The following ANKRD11 variants were observed in gnomAD, a reference collection of about 807,000 sequenced individuals.
ANKRD11 encodes the protein ankyrin repeat domain 11, also known as ankyrin repeat domain-containing protein 11.
A neutral mutation model predicts 195.7 loss-of-function variants in ANKRD11; 17 were observed. The ratio of observed to expected loss-of-function variants is 0.09; its 90% confidence interval spans 0.06 to 0.13. The LOEUF (loss-of-function observed/expected upper bound fraction) is 0.13, where lower values mean the gene tolerates loss of function less well. Among genes scored for constraint, ANKRD11 ranks in the 10% least tolerant of loss-of-function variants. The pLI is 1.00. For synonymous variants in ANKRD11, 1,953 were observed against 1,528.1 expected, an observed-to-expected ratio of 1.28 and a Z score of -6.49; for missense variants, 3,735 against 3,566.1, an observed-to-expected ratio of 1.05 and a Z score of -1.21.
At chr16:89,395,327 G>A (rs1017194376) in intron 2 of ANKRD11, among the ~76,000 whole-genome samples, 5 of 152,226 alleles carry the variant, frequency 3.3e-5, no homozygotes, top group Admixed American at 1.3e-4. Context: ...GAGCAGCGTC[G>A]GTGTGGAAGG....
chr16:89,305,024 G>T (rs2036095692), intron 4 of ANKRD11, 182 bp downstream of exon 4: 3 of 905,674 alleles, frequency 3.3e-6, no homozygotes, highest in African/African-American at 3.3e-5. Context: ...AGCCTCGGGT[G>T]CAAAGGAGGT....
At chr16:89,353,907 G>A (rs1432117463) in intron 2 of ANKRD11, among the ~76,000 whole-genome samples, 1 of 152,230 alleles carries the variant, frequency 6.6e-6, no homozygotes, top group Admixed American at 6.5e-5. Flanking sequence ...TGCAGGGAGC[G>A]TGGGGCATGT....
intron 6 of ANKRD11, 71 bp downstream of exon 6, chr16:89,290,554 C>G: frequency 6.5e-7 from 1 of 1,540,242 alleles, no homozygotes; most frequent in Non-Finnish European, 8.8e-7. Context: ...GGGGGAGGCT[C>G]AGGACTCCAC....
At chr16:89,414,099 CG>C (rs1390559932) in intron 2 of ANKRD11, among the ~76,000 whole-genome samples, 1 of 152,210 alleles carries the variant, frequency 6.6e-6, no homozygotes, top group Non-Finnish European at 1.5e-5. Context: ...ACTGCGCACT[CG>C]GGGACACTGA....
chr16:89,275,376 G>A (rs987565708), intron 9 of ANKRD11, among the ~76,000 whole-genome samples, 185 bp from the exon 10 acceptor site: 1 of 152,250 alleles, frequency 6.6e-6, no homozygotes. Context: ...TGCTGGACGC[G>A]GGAGAGCGGA....
chr16:89,435,272 A>C (rs2043164499), intron 1 of ANKRD11, among the ~76,000 whole-genome samples: 1 of 152,188 alleles, frequency 6.6e-6, no homozygotes, highest in African/African-American at 2.4e-5. Context: ...GCACTCTGTA[A>C]AATGGCCCAA....
At chr16:89,415,833 A>AAAAAAAAAAAAAAAAAAAC (rs1256723621) in intron 2 of ANKRD11, among the ~76,000 whole-genome samples, 2 of 138,490 alleles carry the variant, frequency 1.4e-5, no homozygotes, top group East Asian at 4.2e-4. Flanking sequence ...CTGTCTCAAA[A>AAAAAAAAAAAAAAAAAAAC]AAAAAAAAAA....
chr16:89,289,448 G>A (rs1021871098), intron 6 of ANKRD11, among the ~76,000 whole-genome samples: 10 of 152,158 alleles, frequency 6.6e-5, no homozygotes, highest in Admixed American at 2.6e-4. Flanking sequence ...TTTGATGGGG[G>A]TATTTTATGT....
intron 2 of ANKRD11, among the ~76,000 whole-genome samples, chr16:89,342,981 TAA>T (rs2038762398): frequency 6.6e-6 from 1 of 152,188 alleles, no homozygotes; most frequent in Non-Finnish European, 1.5e-5. Context: ...CACAAACCAA[TAA>T]AGACTATGTA....
chr16:89,327,954 C>G (rs2037822668), intron 2 of ANKRD11, among the ~76,000 whole-genome samples: 1 of 152,184 alleles, frequency 6.6e-6, no homozygotes. Flanking sequence ...AGACAAACTG[C>G]AGACAGGGAA....
intron 9 of ANKRD11, chr16:89,278,501 G>C (rs1200398182): frequency 2.2e-6 from 1 of 456,140 alleles, no homozygotes; most frequent in South Asian, 1.5e-5. Flanking sequence ...GCAGAGGTAG[G>C]GATGATGCCT....
At chr16:89,329,986 C>T (rs1320003215) in intron 2 of ANKRD11, among the ~76,000 whole-genome samples, 2 of 130,714 alleles carry the variant, frequency 1.5e-5, no homozygotes, top group South Asian at 2.4e-4. Flanking sequence ...AAGAGTGAGA[C>T]CTTGTCTCAA....
chr16:89,288,885 C>T (rs1169943801), intron 6 of ANKRD11: 1 of 638,964 alleles, frequency 1.6e-6, no homozygotes. Context: ...CCATATCTAG[C>T]TTATTAACCC....
intron 2 of ANKRD11, among the ~76,000 whole-genome samples, chr16:89,351,943 C>T (rs1436165243): frequency 6.6e-6 from 1 of 152,216 alleles, no homozygotes; most frequent in Non-Finnish European, 1.5e-5. Context: ...GACAGTCTCA[C>T]TCTGTCGCCC....
intron 2 of ANKRD11, among the ~76,000 whole-genome samples, chr16:89,391,603 C>A (rs1039755157): frequency 2.6e-5 from 4 of 152,174 alleles, no homozygotes; most frequent in Non-Finnish European, 5.9e-5. Context: ...ACTAACTGAG[C>A]TTAGAAATAC....
In ANKRD11 at chr16:89,352,022, C is replaced by T. The variant is rs180677542; in HGVS notation, c.-59-34944G>A. On this transcript the variant is annotated intron_variant, in intron 2 of 12. Coordinates refer to ENST00000301030, the MANE Select transcript of ANKRD11 (RefSeq NM_013275.6). ...GCCTCCCAGGTTCAAGCAATTCTCA[C>T]GCCTCCGCTGAAATGACAGGCACAA... Among the ~76,000 whole-genome samples, 173 of 152,242 alleles carry T rather than the reference C, an allele frequency of 1.1e-3. 1 individual carries two copies. Among genetic ancestry groups the T allele is most frequent in the African/African-American group, 4.0e-3 (165 of 41,536 alleles).
intron 9 of ANKRD11, among the ~76,000 whole-genome samples, chr16:89,275,832 A>G (rs2033609174): frequency 1.3e-5 from 2 of 152,178 alleles, no homozygotes; most frequent in Admixed American, 6.5e-5. Flanking sequence ...ATGAGGAAGT[A>G]AAGACAGCCG....
chr16:89,488,395 C>T (rs927400424), intron 1 of ANKRD11, among the ~76,000 whole-genome samples: 6 of 151,952 alleles, frequency 3.9e-5, no homozygotes, highest in East Asian at 3.9e-4. Flanking sequence ...ACCAACTATA[C>T]GAGATCCAAT....
intron 2 of ANKRD11, chr16:89,361,757 A>G (rs2039741720): frequency 6.6e-6 from 1 of 152,254 alleles, no homozygotes; most frequent in Non-Finnish European, 1.5e-5. Flanking sequence ...TACAAAGATA[A>G]ATGTCTCTAA....
Sources: allele counts gnomAD v4.1 joint callset (sites outside exome capture counted in the v4.1 genomes callset), GRCh38; gene constraint gnomAD v4.1.1; transcripts MANE v1.5; gene names NCBI Gene and HGNC (gene_info 2026-07-23, HGNC 2026-07-21).